GAB2: variants seen among roughly 807,000 people sequenced by gnomAD.
GAB2 encodes the protein GRB2 associated binding protein 2, also known as GRB2-associated-binding protein 2.
Under a neutral mutation model 65.5 loss-of-function variants are expected in GAB2, and 26 were observed. The observed-to-expected ratio is 0.40, with a 90% CI of 0.29 to 0.55. The LOEUF is 0.55. Ranked by LOEUF, GAB2 falls within the 20% of genes least tolerant of loss-of-function variation. GAB2 has a pLI of 0.53. For missense variants in GAB2, 884 were observed against 875.8 expected (o/e 1.01, Z -0.12); for synonymous variants, 321 against 329.6 (o/e 0.97, Z 0.28).
chr11:78,304,993 C>G (rs962622907), intron 1 of GAB2, among the ~76,000 whole-genome samples: 1 of 152,230 alleles, frequency 6.6e-6, no homozygotes, highest in Non-Finnish European at 1.5e-5. Context: ...GCCTTCCTTA[C>G]TCTCTCTGGG....
At chr11:78,227,174 A>G (rs542075592) in intron 3 of GAB2, 123 bp from the exon 4 acceptor site, 215 of 665,808 alleles carry the variant, frequency 3.2e-4, no homozygotes, top group Non-Finnish European at 4.5e-4. Context: ...GACTAAAAGC[A>G]TATTTTGAAG....
chr11:78,370,062 C>T (rs1264552040), intron 1 of GAB2, among the ~76,000 whole-genome samples: 1 of 151,562 alleles, frequency 6.6e-6, no homozygotes, highest in Non-Finnish European at 1.5e-5. Flanking sequence ...TCGAGACCAT[C>T]CCGGCTAAAA....
rs1865422053 is a variant in GAB2 at position 78,250,435 on chromosome 11, G to A, written c.377-35C>T. On this transcript the variant is annotated intron_variant, in intron 2 of 9. Coordinates refer to ENST00000361507, the MANE Select transcript of GAB2 (RefSeq NM_080491.3). ...AGAAATAGCTCTGTGAATGAAAAAG[G>A]AAGGAAATGTATCCTTATCCCAAAG... is the stretch of plus-strand genomic sequence containing the variant. 5.6e-6 allele frequency: 9 copies of A among 1,596,610 alleles called. No homozygotes were observed. The East Asian group carries it at 1.3e-4, about 24-fold the overall frequency.
At chr11:78,404,966 T>G (rs893596612) in intron 1 of GAB2, among the ~76,000 whole-genome samples, 7 of 152,134 alleles carry the variant, frequency 4.6e-5, no homozygotes, top group African/African-American at 7.2e-5. Context: ...TAAGCACACA[T>G]TATATGCTTG....
chr11:78,289,411 A>G (rs1215830364), intron 1 of GAB2, among the ~76,000 whole-genome samples: 2 of 152,178 alleles, frequency 1.3e-5, no homozygotes, highest in Non-Finnish European at 2.9e-5. Flanking sequence ...AAACGTTTAG[A>G]AAAAAAGGTG....
intron 3 of GAB2, among the ~76,000 whole-genome samples, chr11:78,232,663 A>C (rs1259172489): frequency 6.6e-6 from 1 of 152,218 alleles, no homozygotes; most frequent in Non-Finnish European, 1.5e-5. Flanking sequence ...TTGCAGTAAA[A>C]GTGATGATAA....
intron 1 of GAB2, among the ~76,000 whole-genome samples, chr11:78,406,856 A>G (rs1469556735): frequency 6.6e-6 from 1 of 152,218 alleles, no homozygotes; most frequent in East Asian, 1.9e-4. Context: ...GGAAAATTGG[A>G]AAGCCTCCAA....
intron 1 of GAB2, among the ~76,000 whole-genome samples, chr11:78,343,237 CA>C (rs1305485791): frequency 6.6e-6 from 1 of 151,984 alleles, no homozygotes; most frequent in South Asian, 2.1e-4. Flanking sequence ...TGAAGATAAC[CA>C]CTGCACTGTT....
chr11:78,264,636 A>AC (rs1865827827), intron 2 of GAB2, among the ~76,000 whole-genome samples: 1 of 151,436 alleles, frequency 6.6e-6, no homozygotes, highest in Non-Finnish European at 1.5e-5. Context: ...TGAACTCCTG[A>AC]CCCTCAGGTG....
chr11:78,223,492 A>T lies in GAB2; in HGVS notation c.1487T>A (p.Leu496His). The T allele has an allele frequency of 6.2e-7, 1 of 1,609,472 alleles. No homozygotes were observed. Among genetic ancestry groups the T allele is most frequent in the Non-Finnish European group, 8.5e-7 (1 of 1,177,582 alleles). ...TCTGCTGGGGCCTCGGTGCACAGGA[A>T]GGGTTGTTGATGGGTAGCCAAGTGA... ...FDSLGYPSTTLPVHRGPSRGS... is the reference protein window; with the variant it reads ...FDSLGYPSTTHPVHRGPSRGS... Residue 496 changes from leucine (L) to histidine (H), a missense_variant, in exon 6 of 10, where the codon CTT (leucine) becomes CAT (histidine). Leu to His is a moderately conservative substitution (Grantham distance 99, BLOSUM62 -3). Transcript: ENST00000361507.
intron 1 of GAB2, among the ~76,000 whole-genome samples, chr11:78,406,460 C>A (rs1443406142): frequency 6.6e-6 from 1 of 152,012 alleles, no homozygotes; most frequent in African/African-American, 2.4e-5. Context: ...TCAGAGCAAC[C>A]TCTGCCCCCT....
intron 9 of GAB2, 36 bp downstream of exon 9, chr11:78,220,283 G>C: frequency 6.2e-7 from 1 of 1,610,510 alleles, no homozygotes; most frequent in East Asian, 2.2e-5. Flanking sequence ...GGGACCCTGA[G>C]AGCTCTTACT....
intron 3 of GAB2, among the ~76,000 whole-genome samples, chr11:78,239,995 G>T (rs1160512456): frequency 4.6e-5 from 7 of 151,960 alleles, no homozygotes; most frequent in African/African-American, 1.7e-4. Flanking sequence ...GCTGAGCTGT[G>T]AGCAGCTGTT....
intron 1 of GAB2, among the ~76,000 whole-genome samples, chr11:78,312,928 G>C (rs185732538): frequency 1.3e-5 from 2 of 152,082 alleles, no homozygotes; most frequent in Admixed American, 6.5e-5. Context: ...TCCCATCAAG[G>C]GTGGCAGAAA....
chr11:78,250,000 G>A (rs1204603083), intron 3 of GAB2, among the ~76,000 whole-genome samples, 157 bp downstream of exon 3: 1 of 151,742 alleles, frequency 6.6e-6, no homozygotes, highest in Non-Finnish European at 1.5e-5. Context: ...AATAAAATAT[G>A]AAGGCTACAG....
chr11:78,355,144 G>T (rs1856339487), intron 1 of GAB2, among the ~76,000 whole-genome samples: 1 of 152,244 alleles, frequency 6.6e-6, no homozygotes, highest in African/African-American at 2.4e-5. Context: ...CGGGAATAGG[G>T]ATTAGGAGAT....
At chr11:78,243,766 C>T (rs1865213013) in intron 3 of GAB2, among the ~76,000 whole-genome samples, 1 of 152,140 alleles carries the variant, frequency 6.6e-6, no homozygotes, top group Non-Finnish European at 1.5e-5. Flanking sequence ...ATCACTTGAA[C>T]CCGGGAGGCG....
intron 1 of GAB2, among the ~76,000 whole-genome samples, chr11:78,411,666 T>C (rs1857130491): frequency 6.6e-6 from 1 of 152,030 alleles, no homozygotes; most frequent in African/African-American, 2.4e-5. Flanking sequence ...TCTCACATCT[T>C]ACATGAAAAT....
At chr11:78,341,423 T>C (rs1421047285) in intron 1 of GAB2, among the ~76,000 whole-genome samples, 1 of 152,188 alleles carries the variant, frequency 6.6e-6, no homozygotes, top group African/African-American at 2.4e-5. Flanking sequence ...GAATAATCAT[T>C]GCCTTTAGAT....
Sources: gnomAD v4.1 joint callset for allele counts (sites outside exome capture counted in the v4.1 genomes callset) on GRCh38, gnomAD v4.1.1 for gene constraint, MANE v1.5 for transcripts, NCBI Gene and HGNC (gene_info 2026-07-23, HGNC 2026-07-21) for gene names.